Variants in COPS4 observed in about 807,000 individuals in gnomAD.
COPS4 encodes COP9 signalosome subunit 4.
In COPS4, 8 loss-of-function variants were observed where a neutral mutation model predicts 55.1. The ratio of observed to expected loss-of-function variants is 0.15; its 90% CI spans 0.09 to 0.26. The LOEUF (loss-of-function observed/expected upper bound fraction) is 0.26. Among genes scored for constraint, COPS4 ranks in the 10% least tolerant of loss-of-function variants. The probability of loss-of-function intolerance (pLI) is 1.00; values close to 1 mark genes in which losing one functional copy is unlikely to be tolerated. For synonymous variants in COPS4, 185 were observed against 165.7 expected (o/e 1.12, Z -0.90); for missense variants, 248 against 484.0 (o/e 0.51, Z 4.58).
rs956350669 is a variant in COPS4 at position 83,052,697 on chromosome 4, G to A, written c.410+2713G>A. Among the ~76,000 whole-genome samples, 6 of 152,044 alleles carry A rather than the reference G, an allele frequency of 3.9e-5. No individual in the cohort carries two copies. The East Asian group carries it at 5.8e-4, about 15-fold the overall frequency. On this transcript the variant is annotated intron_variant, in intron 4 of 9. Transcript: ENST00000264389. ...GTGATCTCAGCTCACTTCAGTGTCC[G>A]TCTCCTAGCATCCCAAGTAGTTGGG...
chr4:83,057,308 A>T lies in COPS4; in HGVS notation c.615A>T (p.Ala205=), dbSNP rs751762432. The T allele has an allele frequency of 1.2e-6, 2 of 1,612,100 alleles. No individual in the cohort carries two copies. Among genetic ancestry groups the T allele is most frequent in the Non-Finnish European group, 1.7e-6 (2 of 1,179,268 alleles). ...ATAGAAGAAAATTCATTGAAGCTGC[A>T]CAAAGGTACAATGAGCTCTCTTACA... ...LDYRRKFIEA[A]QRYNELSYKT... Residue 205 remains alanine (A), a synonymous_variant, in exon 6 of 10, where the codon GCA becomes GCT. Transcript: ENST00000264389.
chr4:83,070,743 C>T (rs1731405215), intron 9 of COPS4, among the ~76,000 whole-genome samples: 1 of 152,104 alleles, frequency 6.6e-6, no homozygotes, highest in Admixed American at 6.6e-5. Flanking sequence ...TTCCCTAGTA[C>T]AGCTGGAGTG....
intron 7 of COPS4, among the ~76,000 whole-genome samples, chr4:83,064,895 T>TTTTTTTTTC (rs1731256748): frequency 7.1e-6 from 1 of 141,594 alleles, no homozygotes; most frequent in African/African-American, 2.6e-5. Flanking sequence ...TTTTTTTTTT[T>TTTTTTTTTC]TTTTTACTTT....
At chr4:83,063,365 AAG>A in intron 7 of COPS4, 119 bp downstream of exon 7, 3 of 685,460 alleles carry the variant, frequency 4.4e-6, no homozygotes, top group East Asian at 3.5e-5. Flanking sequence ...CTCATAAAAA[AAG>A]AGGAATTGTT....
At chr4:83,042,062 A>G (rs1027979461) in intron 1 of COPS4, among the ~76,000 whole-genome samples, 3 of 148,490 alleles carry the variant, frequency 2.0e-5, no homozygotes, top group Admixed American at 2.0e-4. Context: ...ATGAGGTTTC[A>G]CCATGTTGGC....
intron 1 of COPS4, among the ~76,000 whole-genome samples, chr4:83,038,056 A>G (rs1003321040): frequency 6.6e-5 from 10 of 152,220 alleles, no homozygotes; most frequent in African/African-American, 2.4e-4. Flanking sequence ...TTTTGTGCAT[A>G]TTATGCATTG....
chr4:83,046,948 A>G (rs1191106816), intron 2 of COPS4, among the ~76,000 whole-genome samples: 4 of 152,216 alleles, frequency 2.6e-5, no homozygotes, highest in African/African-American at 9.6e-5. Context: ...TTCCCTGAGT[A>G]ATACCAGCTT....
At chr4:83,056,803 A>G in intron 4 of COPS4, 123 bp from the exon 5 acceptor site, 1 of 782,700 alleles carries the variant, frequency 1.3e-6, no homozygotes, top group Non-Finnish European at 2.0e-6. Context: ...CATCTCAAAA[A>G]AAAAGTTTGA....
At chr4:83,064,624 G>A (rs370157034) in intron 7 of COPS4, among the ~76,000 whole-genome samples, 17 of 151,802 alleles carry the variant, frequency 1.1e-4, no homozygotes, top group East Asian at 5.8e-4. Context: ...AGTTACAGTC[G>A]TGCTCTGTTG....
chr4:83,059,677 A>G (rs1008659209), intron 6 of COPS4, among the ~76,000 whole-genome samples: 1 of 151,608 alleles, frequency 6.6e-6, no homozygotes, highest in East Asian at 1.9e-4. Context: ...AAACAGCTCA[A>G]TTCTTCTTTT....
At chr4:83,071,961 C>T (rs974700184) in intron 9 of COPS4, among the ~76,000 whole-genome samples, 1 of 152,176 alleles carries the variant, frequency 6.6e-6, no homozygotes, top group East Asian at 1.9e-4. Context: ...CCGCCCGCCT[C>T]GGCCTCCCAA....
At chr4:83,047,571 A>G (rs1730751809) in intron 2 of COPS4, among the ~76,000 whole-genome samples, 1 of 151,716 alleles carries the variant, frequency 6.6e-6, no homozygotes, top group South Asian at 2.1e-4. Context: ...TAAAAAACAT[A>G]TATATATATA....
intron 8 of COPS4, among the ~76,000 whole-genome samples, chr4:83,067,854 A>G (rs1731327007): frequency 1.3e-5 from 2 of 152,208 alleles, no homozygotes; most frequent in South Asian, 4.1e-4. Context: ...AATAAATGCT[A>G]GTCACAATCT....
At chr4:83,069,702 T>C (rs1731372243) in intron 9 of COPS4, among the ~76,000 whole-genome samples, 1 of 152,222 alleles carries the variant, frequency 6.6e-6, no homozygotes, top group South Asian at 2.1e-4. Context: ...TTAGTTATTT[T>C]TTTCTCTCAT....
At chr4:83,043,364 G>C (rs1730613860) in intron 1 of COPS4, among the ~76,000 whole-genome samples, 1 of 151,170 alleles carries the variant, frequency 6.6e-6, no homozygotes, top group African/African-American at 2.4e-5. Context: ...AAAAAGAAAA[G>C]AACAGTTAAC....
At chr4:83,040,721 T>C (rs1730541782) in intron 1 of COPS4, among the ~76,000 whole-genome samples, 1 of 147,870 alleles carries the variant, frequency 6.8e-6, no homozygotes, top group South Asian at 2.1e-4. Flanking sequence ...TTTATGCAAT[T>C]ACATTTTTTT....
intron 6 of COPS4, among the ~76,000 whole-genome samples, chr4:83,061,189 T>TC (rs1341617567): frequency 3.3e-5 from 5 of 152,188 alleles, no homozygotes; most frequent in Non-Finnish European, 7.3e-5. Context: ...TACTTTTTTT[T>TC]CTGCATATTT....
chr4:83,049,455 T>A (rs1258272506), intron 3 of COPS4, 138 bp downstream of exon 3: 1 of 690,992 alleles, frequency 1.4e-6, no homozygotes, highest in Non-Finnish European at 2.2e-6. Flanking sequence ...CATTTTATGA[T>A]GCAAAATCAA....
At chr4:83,039,856 C>T (rs566269768) in intron 1 of COPS4, among the ~76,000 whole-genome samples, 12 of 152,218 alleles carry the variant, frequency 7.9e-5, no homozygotes, top group African/African-American at 2.6e-4. Flanking sequence ...AGGCAGGTCT[C>T]GAACTCCTGG....
Sources: allele counts gnomAD v4.1 joint callset (sites outside exome capture counted in the v4.1 genomes callset), GRCh38; gene constraint gnomAD v4.1.1; transcripts MANE v1.5; gene names NCBI Gene and HGNC (gene_info 2026-07-23, HGNC 2026-07-21).